The following IQCK variants were observed in gnomAD, a reference collection of about 807,000 sequenced individuals.
IQCK encodes the protein IQ motif containing K, also known as IQ domain-containing protein K.
In IQCK, 29 loss-of-function variants were observed where a neutral mutation model predicts 28.1. The ratio of observed to expected loss-of-function variants is 1.03; its 90% confidence interval spans 0.77 to 1.41. The LOEUF (loss-of-function observed/expected upper bound fraction) is 1.41, where lower values mean the gene tolerates loss of function less well. Among genes scored for constraint, IQCK ranks in the 40% most tolerant of loss-of-function variants. IQCK has a pLI of 0.00. For synonymous variants in IQCK, 113 were observed against 115.1 expected (o/e 0.98, Z 0.12); for missense variants, 359 against 314.7 (o/e 1.14, Z -1.07).
chr16:19,759,814 C>T (rs185246142), intron 4 of IQCK, among the ~76,000 whole-genome samples: 8 of 152,208 alleles, frequency 5.3e-5, no homozygotes, highest in Non-Finnish European at 1.0e-4. Context: ...CTCATCTCTA[C>T]AAAAAGTTTT....
chr16:19,829,971 C>T (rs989633650), downstream of IQCK, among the ~76,000 whole-genome samples: 1 of 152,146 alleles, frequency 6.6e-6, no homozygotes, highest in Admixed American at 6.5e-5. Flanking sequence ...ACTCCTAGTA[C>T]AGTGCCTGGC....
Position 19,752,292 on chromosome 16 carries a change from ATTCT to A in IQCK, c.475-11551_475-11548del, listed in dbSNP as rs1478611094. Among the ~76,000 whole-genome samples the A allele has an allele frequency of 2.0e-5, 3 of 152,226 alleles. No individual in the cohort carries two copies. In the East Asian group the frequency reaches 5.8e-4, roughly 29 times the overall value. On this transcript the variant is annotated intron_variant, in intron 4 of 7. Coordinates refer to ENST00000564186, the Ensembl canonical transcript of IQCK. ...GCTACATTGCAAACTTCACTTGGAA[ATTCT>A]TTCTGATGCATCTCTGAAAATATTT...
At chr16:19,752,578 T>A (rs1301890153) in intron 4 of IQCK, among the ~76,000 whole-genome samples, 1 of 152,176 alleles carries the variant, frequency 6.6e-6, no homozygotes, top group Non-Finnish European at 1.5e-5. Context: ...TATTACTTAT[T>A]TATTTTTTGA....
chr16:19,733,143 A>AT lies in IQCK; in HGVS notation c.247-544dup, dbSNP rs370654999. 4.5e-3 allele frequency among the ~76,000 whole-genome samples: 654 copies of AT among 145,904 alleles called. 1 individual carries two copies. The highest frequency in any genetic ancestry group is 0.013 in the African/African-American group (525 of 40,118). ...CCACTCTTGCTTCTTTTATTTATTT[A>AT]TTTTTTTTTTTGAGATGGAGTTTCA... On this transcript the variant is annotated intron_variant, in intron 2 of 7. Transcript: ENST00000564186.
chr16:19,763,581 T>A (rs1464966330), intron 4 of IQCK, among the ~76,000 whole-genome samples: 2 of 152,188 alleles, frequency 1.3e-5, no homozygotes, highest in African/African-American at 2.4e-5. Context: ...TAGCTGGGAC[T>A]ACAGGTGCCC....
chr16:19,828,873 AAT>A (rs1254111705), downstream of IQCK, among the ~76,000 whole-genome samples: 6 of 140,604 alleles, frequency 4.3e-5, no homozygotes, highest in East Asian at 2.0e-4. Flanking sequence ...TATATATATA[AAT>A]ATATATATAA....
intron 1 of IQCK, among the ~76,000 whole-genome samples, chr16:19,720,669 G>GT (rs1296370219): frequency 1.2e-4 from 19 of 152,206 alleles, no homozygotes; most frequent in African/African-American, 4.6e-4. Context: ...AAGACAAAGG[G>GT]TTTTGGTTCT....
chr16:19,813,293 C>T (rs2055931823), intron 7 of IQCK, among the ~76,000 whole-genome samples: 1 of 152,146 alleles, frequency 6.6e-6, no homozygotes, highest in Admixed American at 6.5e-5. Flanking sequence ...AAGCAATATT[C>T]ATAGAGATAT....
chr16:19,807,380 G>A (rs2055847392), intron 7 of IQCK, among the ~76,000 whole-genome samples: 1 of 152,198 alleles, frequency 6.6e-6, no homozygotes, highest in Non-Finnish European at 1.5e-5. Context: ...TTGTTATGCA[G>A]CAATGGAGAC....
At chr16:19,741,196 T>C (rs993318351) in intron 4 of IQCK, among the ~76,000 whole-genome samples, 4 of 152,122 alleles carry the variant, frequency 2.6e-5, no homozygotes, top group African/African-American at 9.7e-5. Context: ...TTTTCACTCC[T>C]CTGAAATAAG....
chr16:19,740,253 G>A (rs989061428), intron 4 of IQCK, among the ~76,000 whole-genome samples: 2 of 151,912 alleles, frequency 1.3e-5, no homozygotes, highest in Non-Finnish European at 2.9e-5. Flanking sequence ...TTTAATTCTT[G>A]TCCACTACTC....
rs188264394 is a variant in IQCK, at chr16:19,846,068, C to A, written c.803-10419C>A. On this transcript the variant is annotated intron_variant, in intron 9 of 9. Transcript: ENST00000320394. Reference sequence around the variant, plus strand: ...CTCCAGCCTGGGCAATAGAGCGAGACCCCATCTCAAAAAATAATAATAATT... The same window carrying A: ...CTCCAGCCTGGGCAATAGAGCGAGAACCCATCTCAAAAAATAATAATAATT... 1.5e-3 allele frequency among the ~76,000 whole-genome samples: 224 copies of A among 152,248 alleles called. 1 individual carries two copies. Among genetic ancestry groups the A allele is most frequent in the Non-Finnish European group, 2.7e-3 (182 of 68,016 alleles).
At chr16:19,769,617 G>A (rs2055291009) in intron 6 of IQCK, among the ~76,000 whole-genome samples, 2 of 152,240 alleles carry the variant, frequency 1.3e-5, no homozygotes, top group African/African-American at 4.8e-5. Flanking sequence ...GCTACGGCTA[G>A]AAGGCAGTTA....
chr16:19,762,553 G>C (rs916694498), intron 4 of IQCK, among the ~76,000 whole-genome samples: 4 of 152,150 alleles, frequency 2.6e-5, no homozygotes, highest in Non-Finnish European at 4.4e-5. Flanking sequence ...CCAAGTTACT[G>C]TTTGTTGATG....
intron 4 of IQCK, among the ~76,000 whole-genome samples, chr16:19,756,038 G>C (rs1207547663): frequency 1.3e-5 from 2 of 152,160 alleles, no homozygotes; most frequent in African/African-American, 4.8e-5. Flanking sequence ...AAAAAAATTA[G>C]CTGGGCCTGG....
At chr16:19,849,423 T>G (rs1408592810) in intron 9 of IQCK, among the ~76,000 whole-genome samples, 1 of 152,044 alleles carries the variant, frequency 6.6e-6, no homozygotes. Context: ...GAGTCACTTG[T>G]TCTAAAAAAA....
At chr16:19,772,641 G>C (rs558669766) in intron 6 of IQCK, among the ~76,000 whole-genome samples, 2 of 152,256 alleles carry the variant, frequency 1.3e-5, no homozygotes, top group East Asian at 3.9e-4. Context: ...CTGGTTGATG[G>C]ACACATGGAT....
At chr16:19,817,067 C>G (rs372004193) in intron 7 of IQCK, among the ~76,000 whole-genome samples, 6 of 152,016 alleles carry the variant, frequency 3.9e-5, no homozygotes, top group Admixed American at 2.0e-4. Context: ...TAGCTTCCAT[C>G]AGGGTAATCT....
chr16:19,777,189 CA>C lies in IQCK; in HGVS notation c.606-11640del, dbSNP rs796693132. On this transcript the variant is annotated intron_variant, in intron 6 of 7. Transcript: ENST00000564186. Reference sequence around the variant, plus strand: ...TTTCAGCTAAGTTTTATCCTTGAAACAAAAAAAAAGGTGGGGGGCTGGGGGA... The same window carrying C: ...TTTCAGCTAAGTTTTATCCTTGAAACAAAAAAAAGGTGGGGGGCTGGGGGA... 5.6e-3 allele frequency among the ~76,000 whole-genome samples: 832 copies of C among 148,228 alleles called. 9 individuals carry two copies. Among genetic ancestry groups the C allele is most frequent in the African/African-American group, 0.02 (810 of 40,376 alleles).
Sources: allele counts gnomAD v4.1 joint callset (sites outside exome capture counted in the v4.1 genomes callset), GRCh38; gene constraint gnomAD v4.1.1; transcripts MANE v1.5; gene names NCBI Gene and HGNC (gene_info 2026-07-23, HGNC 2026-07-21).